ABCB11: variants seen among roughly 807,000 people sequenced by gnomAD.
The protein encoded by ABCB11 is ATP binding cassette subfamily B member 11, also known as bile salt export pump.
ABCB11 carries 95 observed loss-of-function variants against 148.0 expected under a neutral mutation model. The observed-to-expected ratio is 0.64, with a 90% CI of 0.54 to 0.76. The LOEUF is 0.76. Among genes scored for constraint, ABCB11 ranks in the 30% least tolerant of loss-of-function variants. The probability of loss-of-function intolerance (pLI) is 0.00; values close to 1 mark genes in which losing one functional copy is unlikely to be tolerated. For synonymous variants in ABCB11, 591 were observed against 555.4 expected (o/e 1.06, Z -0.90); for missense variants, 1,523 against 1,617.8 (o/e 0.94, Z 1.01).
rs1220516138 is a variant in ABCB11, at chr2:168,936,220, G to A, written c.2814+10C>T. The A allele has an allele frequency of 2.2e-5, 36 of 1,610,744 alleles. No individual in the cohort carries two copies. Among genetic ancestry groups the A allele is most frequent in the Non-Finnish European group, 2.9e-5 (34 of 1,177,638 alleles). ...CATGAGGAATGGGAAAATTAGATCT[G>A]CAAGATTACCTGTCCCACCATCTCC... On this transcript the variant is annotated intron_variant, in intron 22 of 27. Transcript: ENST00000650372.
intron 7 of ABCB11, 105 bp downstream of exon 7, chr2:168,995,244 A>C: frequency 7.6e-7 from 1 of 1,312,164 alleles, no homozygotes; most frequent in Non-Finnish European, 1.0e-6. Flanking sequence ...TAAGAGATGA[A>C]ACATAGGAAA....
intron 6 of ABCB11, 148 bp from the exon 7 acceptor site, chr2:168,995,630 G>T: frequency 3.6e-6 from 3 of 842,088 alleles, no homozygotes; most frequent in Non-Finnish European, 3.6e-6. Context: ...TAAGATGTGA[G>T]CTCTGTCATC....
At chr2:169,014,739 C>G (rs958706144) in intron 3 of ABCB11, among the ~76,000 whole-genome samples, 2 of 152,132 alleles carry the variant, frequency 1.3e-5, no homozygotes, top group African/African-American at 2.4e-5. Flanking sequence ...AATTTTAAAG[C>G]TTCCTCATGC....
At chr2:168,929,638 T>C (rs1691475398) in intron 25 of ABCB11, among the ~76,000 whole-genome samples, 1 of 152,102 alleles carries the variant, frequency 6.6e-6, no homozygotes, top group Non-Finnish European at 1.5e-5. Flanking sequence ...AAGTAAGAGG[T>C]GAAAAGAGTA....
chr2:168,918,986 G>T (rs1691000637), downstream of ABCB11, among the ~76,000 whole-genome samples: 1 of 151,764 alleles, frequency 6.6e-6, no homozygotes, highest in Non-Finnish European at 1.5e-5. Flanking sequence ...GTTTCTTTCA[G>T]TATTCACCTT....
intron 21 of ABCB11, among the ~76,000 whole-genome samples, chr2:168,943,415 A>C (rs1032580350): frequency 4.6e-5 from 7 of 152,034 alleles, no homozygotes; most frequent in African/African-American, 1.7e-4. Context: ...AATTGCTTAT[A>C]AGGAGGAGAA....
At position 168,921,514 on chromosome 2, in the gene ABCB11, CTGTTTT is replaced by C. The variant is rs368223889; in HGVS notation, c.*2102_*2107del. ...TTTGTATGTTCACTTTTATTGATTCCTGTTTTTATTTAAATAGATGGAAATATGTTC... is the reference window on the plus strand; with the variant it reads ...TTTGTATGTTCACTTTTATTGATTCCTATTTAAATAGATGGAAATATGTTC... On this transcript the variant is annotated 3_prime_UTR_variant, in exon 28 of 28. Coordinates refer to ENST00000650372, the MANE Select transcript of ABCB11 (RefSeq NM_003742.4). Among the ~76,000 whole-genome samples, 1 of 152,156 alleles carries C rather than the reference CTGTTTT, an allele frequency of 6.6e-6. No individual in the cohort carries two copies. Among genetic ancestry groups the C allele is most frequent in the African/African-American group, 2.4e-5 (1 of 41,512 alleles).
rs1691153684 is a variant in ABCB11 at position 168,923,307 on chromosome 2, A to G, written c.*315T>C. 1 of 405,778 alleles carries G rather than the reference A, an allele frequency of 2.5e-6. No homozygotes were observed. The highest frequency in any genetic ancestry group is 4.4e-6 in the Non-Finnish European group (1 of 225,358). The allele number at this position is 405,778 out of a possible 1,614,324, so 25.1% of individuals were successfully genotyped here. On this transcript the variant is annotated 3_prime_UTR_variant, in exon 28 of 28. Transcript: ENST00000650372. Reference sequence around the variant, plus strand: ...TCCCTGATGTCTCACTAATTCCCACATATTAATCAGGACTGGCTCCTGCAC... The same window carrying G: ...TCCCTGATGTCTCACTAATTCCCACGTATTAATCAGGACTGGCTCCTGCAC...
intron 1 of ABCB11, among the ~76,000 whole-genome samples, chr2:169,026,358 G>A (rs1164100709): frequency 2.0e-5 from 3 of 152,150 alleles, no homozygotes; most frequent in Non-Finnish European, 4.4e-5. Flanking sequence ...ACTCTCTAGG[G>A]CTAAAGGCAT....
Position 168,969,615 on chromosome 2 carries a change from A to C in ABCB11, c.1810-64T>G. 5.8e-6 allele frequency: 8 copies of C among 1,388,306 alleles called. No homozygotes were observed. The South Asian group carries it at 7.4e-5, about 13-fold the overall frequency. 86.0% of individuals were successfully genotyped at this position (1,388,306 alleles called of 1,614,324 possible). On this transcript the variant is annotated intron_variant, in intron 15 of 27. Coordinates refer to ENST00000650372, the MANE Select transcript of ABCB11 (RefSeq NM_003742.4). ...AGACAGAGCTGACACTGACCTTTGC[A>C]TCATTTCAGAATCCATAGGAAAGTT... is the stretch of plus-strand genomic sequence containing the variant.
At position 168,992,012 on chromosome 2, in the gene ABCB11, A is replaced by T. The variant is rs1465475816; in HGVS notation, c.784-1087T>A. Among the ~76,000 whole-genome samples, 3 of 151,206 alleles carry T rather than the reference A, an allele frequency of 2.0e-5. No individual in the cohort carries two copies. In the East Asian group the frequency reaches 5.8e-4, roughly 29 times the overall value. On this transcript the variant is annotated intron_variant, in intron 8 of 27. Coordinates refer to ENST00000650372, the MANE Select transcript of ABCB11 (RefSeq NM_003742.4). ...GCCACCATGCCTGGCTATTTAAAAA[A>T]AATTTTTTTTTTTTTTTTTGTAGAG... is the stretch of plus-strand genomic sequence containing the variant.
At chr2:168,957,501 C>T (rs982906220) in intron 19 of ABCB11, among the ~76,000 whole-genome samples, 2 of 151,610 alleles carry the variant, frequency 1.3e-5, no homozygotes, top group Non-Finnish European at 3.0e-5. Context: ...TTTCTGCTTC[C>T]TATCCACATT....
At chr2:169,012,112 G>A (rs921423485) in intron 5 of ABCB11, among the ~76,000 whole-genome samples, 4 of 152,020 alleles carry the variant, frequency 2.6e-5, no homozygotes, top group Non-Finnish European at 4.4e-5. Flanking sequence ...TGATTTAGAA[G>A]GACTCATTCA....
At chr2:168,958,574 T>C (rs1255517304) in intron 18 of ABCB11, among the ~76,000 whole-genome samples, 2 of 151,762 alleles carry the variant, frequency 1.3e-5, no homozygotes, top group South Asian at 2.1e-4. Flanking sequence ...CCAGTATATA[T>C]GAAATAAGAC....
At chr2:169,016,340 C>T (rs1306162579) in intron 3 of ABCB11, among the ~76,000 whole-genome samples, 3 of 152,218 alleles carry the variant, frequency 2.0e-5, no homozygotes, top group Admixed American at 2.0e-4. Context: ...CTCATCTAAT[C>T]CCGCCTTCAT....
intron 21 of ABCB11, 63 bp from the exon 22 acceptor site, chr2:168,936,496 C>T (rs981608715): frequency 3.3e-5 from 49 of 1,494,232 alleles, no homozygotes; most frequent in Admixed American, 8.5e-5. Flanking sequence ...ATTACCATTA[C>T]ACAAAAAGGT....
At chr2:168,934,271 TGAAA>T (rs1345834161) in intron 23 of ABCB11, among the ~76,000 whole-genome samples, 1 of 152,024 alleles carries the variant, frequency 6.6e-6, no homozygotes, top group Non-Finnish European at 1.5e-5. Context: ...AGAGAAGTGC[TGAAA>T]GAGATACCAG....
At chr2:169,018,365 ACATG>A (rs1695428444) in intron 1 of ABCB11, among the ~76,000 whole-genome samples, 1 of 152,208 alleles carries the variant, frequency 6.6e-6, no homozygotes, top group Non-Finnish European at 1.5e-5. Flanking sequence ...TCTAGTTGTT[ACATG>A]GATGGTTGTT....
chr2:169,000,706 T>C (rs116483372), intron 5 of ABCB11, among the ~76,000 whole-genome samples: 1,770 of 152,262 alleles, frequency 0.012, 21 homozygotes, highest in Middle Eastern at 0.044. Context: ...ATTGGGTAGA[T>C]TGATTCTTCT....
Sources: allele counts gnomAD v4.1 joint callset (sites outside exome capture counted in the v4.1 genomes callset), GRCh38; gene constraint gnomAD v4.1.1; transcripts MANE v1.5; gene names NCBI Gene and HGNC (gene_info 2026-07-23, HGNC 2026-07-21).